Variants in CTNNA3 observed in about 807,000 individuals in gnomAD.
CTNNA3 encodes the protein catenin alpha-3.
In CTNNA3, 76 loss-of-function variants were observed where a neutral mutation model predicts 95.7. That is an observed-to-expected ratio of 0.79 (90% CI 0.66 to 0.96). The LOEUF is 0.96. Ranked by LOEUF, CTNNA3 falls within the 40% of genes least tolerant of loss-of-function variation. The pLI is 0.00. For synonymous variants in CTNNA3, 431 were observed against 374.4 expected, an observed-to-expected ratio of 1.15 and a Z score of -1.74; for missense variants, 1,191 against 1,089.8, an observed-to-expected ratio of 1.09 and a Z score of -1.31.
chr10:67,638,075 GA>G (rs1415822626), intron 2 of CTNNA3, among the ~76,000 whole-genome samples: 1 of 152,164 alleles, frequency 6.6e-6, no homozygotes, highest in Non-Finnish European at 1.5e-5. Context: ...TGGCAAATTG[GA>G]TAAAGAGTCA....
intron 3 of CTNNA3, 82 bp from the exon 4 acceptor site, chr10:67,539,751 A>C (rs1263723102): frequency 8.0e-7 from 1 of 1,255,014 alleles, no homozygotes; most frequent in Non-Finnish European, 1.1e-6. Context: ...CCTAATTCCA[A>C]GTAAATTCCA....
chr10:65,970,632 A>G (rs2133268882), intron 16 of CTNNA3, among the ~76,000 whole-genome samples: 1 of 149,602 alleles, frequency 6.7e-6, no homozygotes, highest in Non-Finnish European at 1.5e-5. Context: ...CTATTATATT[A>G]GATAAAATAT....
chr10:66,449,822 T>A (rs1003525786), intron 11 of CTNNA3, among the ~76,000 whole-genome samples: 1 of 148,974 alleles, frequency 6.7e-6, no homozygotes, highest in African/African-American at 2.6e-5. Flanking sequence ...CATGCATTTC[T>A]TTTGATCTTC....
intron 5 of CTNNA3, among the ~76,000 whole-genome samples, chr10:67,330,157 G>C (rs971674510): frequency 6.6e-6 from 1 of 152,226 alleles, no homozygotes; most frequent in Non-Finnish European, 1.5e-5. Context: ...TGCTATTACT[G>C]TTGGTCATTA....
chr10:65,970,027 G>C (rs965813833), intron 16 of CTNNA3, among the ~76,000 whole-genome samples: 4 of 151,944 alleles, frequency 2.6e-5, no homozygotes, highest in Admixed American at 1.3e-4. Context: ...TAGAGAAAAA[G>C]GTCAGAAGAC....
At chr10:66,048,254 C>A (rs1450432243) in intron 15 of CTNNA3, among the ~76,000 whole-genome samples, 1 of 152,162 alleles carries the variant, frequency 6.6e-6, no homozygotes, top group Admixed American at 6.5e-5. Context: ...ATCAAAAATG[C>A]ATGGTACTGG....
At chr10:66,398,667 C>CT (rs140938297) in intron 11 of CTNNA3, among the ~76,000 whole-genome samples, 11,713 of 151,708 alleles carry the variant, frequency 0.077, 574 homozygotes, top group East Asian at 0.22. Flanking sequence ...AAACAGAACA[C>CT]TTTTTTTTAG....
chr10:66,904,542 C>T (rs896145406), intron 7 of CTNNA3, among the ~76,000 whole-genome samples: 1 of 152,168 alleles, frequency 6.6e-6, no homozygotes. Context: ...TAATGACCTT[C>T]TGCACAGCAA....
At chr10:66,344,915 C>T (rs929042908) in intron 12 of CTNNA3, among the ~76,000 whole-genome samples, 1 of 151,990 alleles carries the variant, frequency 6.6e-6, no homozygotes, top group African/African-American at 2.4e-5. Flanking sequence ...AAAATGTTTC[C>T]TTTCTGGAAC....
intron 1 of CTNNA3, among the ~76,000 whole-genome samples, chr10:67,739,203 T>C (rs1351109982): frequency 2.0e-5 from 3 of 152,172 alleles, no homozygotes; most frequent in Non-Finnish European, 2.9e-5. Flanking sequence ...AAAGGTTGGG[T>C]TACCCACAAA....
chr10:66,636,977 A>T (rs577911759), intron 9 of CTNNA3, among the ~76,000 whole-genome samples: 1 of 152,316 alleles, frequency 6.6e-6, no homozygotes, highest in African/African-American at 2.4e-5. Context: ...AAGCTTTAAA[A>T]AATGTTAGCT....
intron 7 of CTNNA3, among the ~76,000 whole-genome samples, chr10:66,924,859 T>C (rs781344207): frequency 2.0e-5 from 3 of 152,154 alleles, no homozygotes; most frequent in African/African-American, 4.8e-5. Flanking sequence ...ATAGGGAAGG[T>C]AAGTAACGCG....
chr10:67,429,092 C>T (rs904957877), intron 5 of CTNNA3, among the ~76,000 whole-genome samples: 1 of 151,908 alleles, frequency 6.6e-6, no homozygotes, highest in South Asian at 2.1e-4. Flanking sequence ...TTGTTTTTAT[C>T]CTTACTTGGA....
At chr10:67,604,109 T>C (rs1050145836) in intron 3 of CTNNA3, among the ~76,000 whole-genome samples, 1 of 152,194 alleles carries the variant, frequency 6.6e-6, no homozygotes, top group African/African-American at 2.4e-5. Flanking sequence ...GATGCCTAGG[T>C]GTGTTGTAGA....
chr10:67,677,959 TG>T (rs1840564022), intron 1 of CTNNA3, among the ~76,000 whole-genome samples: 1 of 152,158 alleles, frequency 6.6e-6, no homozygotes, highest in African/African-American at 2.4e-5. Context: ...ATGTACCTCC[TG>T]TAGCCCAGAA....
intron 12 of CTNNA3, among the ~76,000 whole-genome samples, chr10:66,373,562 T>C (rs1363028652): frequency 6.6e-6 from 1 of 151,398 alleles, no homozygotes; most frequent in African/African-American, 2.4e-5. Context: ...CCAAGTGATC[T>C]GCAGACAGAA....
chr10:66,788,433 C>A (rs561747457), intron 7 of CTNNA3, among the ~76,000 whole-genome samples: 1 of 152,244 alleles, frequency 6.6e-6, no homozygotes, highest in Admixed American at 6.5e-5. Context: ...ATCGCCAGAA[C>A]AAACCATAAA....
rs1297188980 is a variant in CTNNA3, at chr10:65,914,502, C to A, written c.*5828G>T. On this transcript the variant is annotated 3_prime_UTR_variant, in exon 18 of 18. Transcript: ENST00000433211. ...AAGTTTACCTGTATTCAGGCACATACTATGCACACGTGTGACCTCCATAAA... is the reference window on the plus strand; with the variant it reads ...AAGTTTACCTGTATTCAGGCACATAATATGCACACGTGTGACCTCCATAAA... 1.3e-5 allele frequency: 2 copies of A among 152,138 alleles called. No individual in the cohort carries two copies. Among genetic ancestry groups the A allele is most frequent in the African/African-American group, 2.4e-5 (1 of 41,438 alleles). The allele number at this position is 152,138 out of a possible 1,614,324, so 9.4% of individuals were successfully genotyped here. A position where few individuals can be genotyped will look rare whatever the true frequency, so the allele number is the denominator to read the frequency against.
chr10:67,343,951 C>T (rs2620932), intron 5 of CTNNA3, among the ~76,000 whole-genome samples: 148,018 of 148,082 alleles, frequency 1, 73,977 homozygotes, highest in Middle Eastern at 1. Context: ...ATTAATTATA[C>T]TTTATTTTAT....
Sources: allele counts gnomAD v4.1 joint callset (sites outside exome capture counted in the v4.1 genomes callset), GRCh38; gene constraint gnomAD v4.1.1; transcripts MANE v1.5; gene names NCBI Gene and HGNC (gene_info 2026-07-23, HGNC 2026-07-21).